The following CACNA2D3 variants were observed in gnomAD, a reference collection of about 807,000 sequenced individuals.
The protein encoded by CACNA2D3 is voltage-dependent calcium channel subunit alpha-2/delta-3.
Under a neutral mutation model 160.6 loss-of-function variants are expected in CACNA2D3, and 60 were observed. That is an observed-to-expected ratio of 0.37 (90% CI 0.30 to 0.46). The LOEUF is 0.46. Among genes scored for constraint, CACNA2D3 ranks in the 20% least tolerant of loss-of-function variants. CACNA2D3 has a pLI of 1.00. For synonymous variants in CACNA2D3, 558 were observed against 492.9 expected, an observed-to-expected ratio of 1.13 and a Z score of -1.75; for missense variants, 1,205 against 1,365.0, an observed-to-expected ratio of 0.88 and a Z score of 1.85.
At chr3:54,303,835 T>TTTTTTTTTTTTA in intron 2 of CACNA2D3, among the ~76,000 whole-genome samples, 1 of 138,676 alleles carries the variant, frequency 7.2e-6, no homozygotes, top group African/African-American at 2.7e-5. Flanking sequence ...TTTTTTTTTT[T>TTTTTTTTTTTTA]TTTCTATTGC....
intron 2 of CACNA2D3, among the ~76,000 whole-genome samples, chr3:54,258,951 A>G (rs79090663): frequency 0.19 from 28,560 of 152,210 alleles, 3,112 homozygotes; most frequent in South Asian, 0.26. Flanking sequence ...TGTCTCTGCC[A>G]TACTGGACTG....
chr3:54,301,544 C>T (rs1401056992), intron 2 of CACNA2D3, among the ~76,000 whole-genome samples: 1 of 152,108 alleles, frequency 6.6e-6, no homozygotes, highest in African/African-American at 2.4e-5. Context: ...TAATACACAC[C>T]TATATAATAA....
At position 54,748,911 on chromosome 3, in the gene CACNA2D3, T is replaced by G. The variant is rs551800927; in HGVS notation, c.1168-3688T>G. On this transcript the variant is annotated intron_variant, in intron 11 of 37. Transcript: ENST00000474759. ...TTAATGATGGAAATTAGGAGCAATT[T>G]GACTGTTGTTCACAGAGGTTTTGCT... Among the ~76,000 whole-genome samples the G allele has an allele frequency of 2.0e-5, 3 of 152,202 alleles. No homozygotes were observed. In the South Asian group the frequency reaches 6.2e-4, roughly 32 times the overall value.
chr3:54,702,760 A>C (rs375842707), intron 11 of CACNA2D3, among the ~76,000 whole-genome samples: 1 of 152,200 alleles, frequency 6.6e-6, no homozygotes, highest in Non-Finnish European at 1.5e-5. Context: ...AATATAAATC[A>C]TTCTGCCAAA....
rs149532241 is a variant in CACNA2D3 at position 54,887,680 on chromosome 3, G to A, written c.2057-279G>A. 1.5e-3 allele frequency among the ~76,000 whole-genome samples: 224 copies of A among 152,200 alleles called. 1 individual carries two copies. The highest frequency in any genetic ancestry group is 0.01 in the East Asian group (52 of 5,160). On this transcript the variant is annotated intron_variant, in intron 23 of 37. Coordinates refer to ENST00000474759, the MANE Select transcript of CACNA2D3 (RefSeq NM_018398.3). ...GACTCAGCCTGCTGGTCCATGGCAG[G>A]AACCACGAGATGGGGTGAGAAAGCA... is the stretch of plus-strand genomic sequence containing the variant.
intron 2 of CACNA2D3, among the ~76,000 whole-genome samples, chr3:54,291,559 A>G (rs1383880444): frequency 6.6e-6 from 1 of 152,170 alleles, no homozygotes; most frequent in Admixed American, 6.5e-5. Context: ...TAAAAAAGGT[A>G]AGTGTTAATT....
intron 12 of CACNA2D3, among the ~76,000 whole-genome samples, chr3:54,758,891 G>GT (rs1702029201): frequency 6.6e-6 from 1 of 152,158 alleles, no homozygotes; most frequent in Admixed American, 6.6e-5. Flanking sequence ...ACTATTTGAG[G>GT]TAGACAGCTA....
chr3:54,803,822 A>T (rs1456301684), intron 13 of CACNA2D3, among the ~76,000 whole-genome samples: 2 of 152,382 alleles, frequency 1.3e-5, no homozygotes, highest in East Asian at 3.9e-4. Flanking sequence ...CGGATTACCC[A>T]CAAAGGGAAG....
At chr3:54,319,312 C>T (rs1703939006) in intron 2 of CACNA2D3, among the ~76,000 whole-genome samples, 2 of 152,030 alleles carry the variant, frequency 1.3e-5, no homozygotes, top group Admixed American at 1.3e-4. Context: ...AATTATTCTG[C>T]CATTAAAATG....
intron 9 of CACNA2D3, among the ~76,000 whole-genome samples, chr3:54,591,575 T>G (rs918073718): frequency 1.3e-5 from 2 of 150,788 alleles, no homozygotes; most frequent in African/African-American, 4.9e-5. Flanking sequence ...AAGTTTTTTT[T>G]TTTTTTTTTT....
chr3:55,040,099 T>C (rs1364760541), intron 35 of CACNA2D3, among the ~76,000 whole-genome samples: 1 of 152,170 alleles, frequency 6.6e-6, no homozygotes, highest in Non-Finnish European at 1.5e-5. Context: ...CTTTAGTTAG[T>C]GAATGGCCTT....
chr3:54,528,101 T>C (rs969611102), intron 5 of CACNA2D3, among the ~76,000 whole-genome samples: 2 of 151,932 alleles, frequency 1.3e-5, no homozygotes. Flanking sequence ...CTGTGGGAAA[T>C]CAGAAAATTT....
intron 4 of CACNA2D3, among the ~76,000 whole-genome samples, chr3:54,406,936 C>A (rs927570958): frequency 1.3e-5 from 2 of 152,004 alleles, no homozygotes; most frequent in Non-Finnish European, 2.9e-5. Context: ...TATGCAATAA[C>A]ATTTATTTTT....
chr3:54,598,307 C>CAAAAAAAAAAAAAAAAAAA (rs10656534), intron 9 of CACNA2D3, among the ~76,000 whole-genome samples: 3 of 49,840 alleles, frequency 6.0e-5, no homozygotes, highest in Non-Finnish European at 1.0e-4. Flanking sequence ...CTCCGTCTCA[C>CAAAAAAAAAAAAAAAAAAA]AAAAAAAAAA....
At chr3:54,782,905 G>T (rs146411137) in intron 13 of CACNA2D3, among the ~76,000 whole-genome samples, 1 of 152,188 alleles carries the variant, frequency 6.6e-6, no homozygotes, top group East Asian at 1.9e-4. Flanking sequence ...GAATAACTGG[G>T]GTACTAAGAG....
At chr3:54,192,022 C>T (rs1255603687) in intron 2 of CACNA2D3, among the ~76,000 whole-genome samples, 1 of 151,778 alleles carries the variant, frequency 6.6e-6, no homozygotes, top group East Asian at 1.9e-4. Flanking sequence ...TGCCAGCTGC[C>T]TTCTAGCACA....
intron 4 of CACNA2D3, among the ~76,000 whole-genome samples, chr3:54,410,300 G>A (rs1420238168): frequency 1.3e-5 from 2 of 152,104 alleles, no homozygotes; most frequent in Non-Finnish European, 1.5e-5. Context: ...GATGCAGTGC[G>A]CCGAGATTGC....
At chr3:54,500,538 TTCCTTCCTTC>T (rs1701276122) in intron 4 of CACNA2D3, among the ~76,000 whole-genome samples, 4 of 149,984 alleles carry the variant, frequency 2.7e-5, no homozygotes, top group African/African-American at 9.8e-5. Flanking sequence ...CCTTCCTTCC[TTCCTTCCTTC>T]CTTCCTTTCT....
intron 14 of CACNA2D3, among the ~76,000 whole-genome samples, chr3:54,826,693 C>G (rs1703756447): frequency 6.6e-6 from 1 of 152,144 alleles, no homozygotes; most frequent in Non-Finnish European, 1.5e-5. Context: ...GTGCATCCTT[C>G]CTAATCTCCT....
Sources: gnomAD v4.1 joint callset for allele counts (sites outside exome capture counted in the v4.1 genomes callset) on GRCh38, gnomAD v4.1.1 for gene constraint, MANE v1.5 for transcripts, NCBI Gene and HGNC (gene_info 2026-07-23, HGNC 2026-07-21) for gene names.